Variants in CDH18 observed in about 807,000 individuals in gnomAD.
CDH18 encodes cadherin-18.
In CDH18, 31 loss-of-function variants were observed where a neutral mutation model predicts 67.9. That is an observed-to-expected ratio of 0.46 (90% CI 0.34 to 0.62). CDH18 has a LOEUF of 0.62. CDH18 is among the 20% of genes least tolerant of loss of function. The pLI is 0.01. For synonymous variants in CDH18, 362 were observed against 347.2 expected (o/e 1.04, Z -0.48); for missense variants, 890 against 975.5 (o/e 0.91, Z 1.17).
intron 2 of CDH18, among the ~76,000 whole-genome samples, chr5:20,105,446 G>C (rs531911098): frequency 6.6e-6 from 1 of 152,304 alleles, no homozygotes; most frequent in South Asian, 2.1e-4. Context: ...CAATTTGTAA[G>C]TGTAAAATTT....
At chr5:19,793,164 T>C (rs1776535676) in intron 3 of CDH18, among the ~76,000 whole-genome samples, 1 of 152,286 alleles carries the variant, frequency 6.6e-6, no homozygotes. Context: ...TGCTGTTTTC[T>C]TCTAAAGACA....
At chr5:20,384,131 T>G (rs1744124429) in intron 1 of CDH18, among the ~76,000 whole-genome samples, 1 of 152,106 alleles carries the variant, frequency 6.6e-6, no homozygotes, top group South Asian at 2.1e-4. Flanking sequence ...TAACATGAGA[T>G]CTACCTACTG....
At chr5:19,534,204 A>ATGCC (rs1749070823) in intron 9 of CDH18, among the ~76,000 whole-genome samples, 1 of 152,138 alleles carries the variant, frequency 6.6e-6, no homozygotes, top group Non-Finnish European at 1.5e-5. Flanking sequence ...CAGTGTCCAC[A>ATGCC]TGCCTTTCAT....
intron 2 of CDH18, among the ~76,000 whole-genome samples, chr5:20,006,756 A>C (rs1434504070): frequency 6.6e-6 from 1 of 152,014 alleles, no homozygotes; most frequent in South Asian, 2.1e-4. Flanking sequence ...TTCTCTATGC[A>C]TGTTAAATGT....
chr5:19,911,663 A>G (rs1450579003), intron 2 of CDH18, among the ~76,000 whole-genome samples: 1 of 151,746 alleles, frequency 6.6e-6, no homozygotes, highest in African/African-American at 2.4e-5. Context: ...CCAGGGAGAC[A>G]GCCCTCACCA....
intron 1 of CDH18, among the ~76,000 whole-genome samples, chr5:20,257,208 G>A (rs903246471): frequency 6.6e-6 from 1 of 151,954 alleles, no homozygotes; most frequent in African/African-American, 2.4e-5. Flanking sequence ...CAGTGTTCAG[G>A]TGGGCTGTCA....
intron 5 of CDH18, among the ~76,000 whole-genome samples, chr5:19,614,409 T>C (rs1749498198): frequency 6.6e-6 from 1 of 151,442 alleles, no homozygotes; most frequent in Non-Finnish European, 1.5e-5. Context: ...ATGATTCATC[T>C]AACTCATGCA....
At chr5:19,489,392 C>G (rs542791100) in intron 11 of CDH18, among the ~76,000 whole-genome samples, 1 of 151,678 alleles carries the variant, frequency 6.6e-6, no homozygotes, top group African/African-American at 2.4e-5. Flanking sequence ...GGACTACAGG[C>G]GCCCGCCACC....
chr5:20,455,799 T>C (rs1210737411), intron 1 of CDH18, among the ~76,000 whole-genome samples: 1 of 152,082 alleles, frequency 6.6e-6, no homozygotes, highest in Non-Finnish European at 1.5e-5. Context: ...TCAAAATACA[T>C]ACTTAAAATT....
intron 2 of CDH18, among the ~76,000 whole-genome samples, chr5:19,921,675 A>G (rs1792497873): frequency 6.6e-6 from 1 of 152,212 alleles, no homozygotes; most frequent in Non-Finnish European, 1.5e-5. Context: ...TGAGACAAGT[A>G]TATGAGATTT....
chr5:20,118,492 T>C (rs756296531), intron 2 of CDH18, among the ~76,000 whole-genome samples: 1 of 152,186 alleles, frequency 6.6e-6, no homozygotes, highest in Non-Finnish European at 1.5e-5. Context: ...CGATTTTAAT[T>C]ATTTTCAGTA....
intron 3 of CDH18, chr5:19,803,702 C>T (rs749955559): frequency 6.6e-6 from 1 of 152,160 alleles, no homozygotes; most frequent in Non-Finnish European, 1.5e-5. Flanking sequence ...CAATAAAATA[C>T]ATTTCTTATT....
chr5:19,586,132 A>G (rs1043497885), intron 7 of CDH18, among the ~76,000 whole-genome samples: 5 of 152,192 alleles, frequency 3.3e-5, no homozygotes, highest in African/African-American at 1.2e-4. Flanking sequence ...ATACAGAGGA[A>G]ATACTCTAAC....
At chr5:20,562,678 A>G (rs1342473520) in intron 1 of CDH18, among the ~76,000 whole-genome samples, 1 of 151,804 alleles carries the variant, frequency 6.6e-6, no homozygotes, top group Non-Finnish European at 1.5e-5. Flanking sequence ...AGAAAAAAAC[A>G]AAAACTGGAC....
chr5:20,360,776 T>A (rs1384430994), intron 1 of CDH18, among the ~76,000 whole-genome samples: 1 of 152,194 alleles, frequency 6.6e-6, no homozygotes, highest in Non-Finnish European at 1.5e-5. Flanking sequence ...GTTATTGCTA[T>A]TGCTTTACAT....
chr5:20,092,182 A>C (rs1413616804), intron 2 of CDH18, among the ~76,000 whole-genome samples: 1 of 152,152 alleles, frequency 6.6e-6, no homozygotes, highest in African/African-American at 2.4e-5. Flanking sequence ...GGTAAAGGAA[A>C]AACATATGGT....
At chr5:20,521,600 A>G (rs144390754) in intron 1 of CDH18, among the ~76,000 whole-genome samples, 246 of 152,276 alleles carry the variant, frequency 1.6e-3, no homozygotes, top group African/African-American at 5.8e-3. Context: ...AGCGGAGCAG[A>G]TACATGGGGC....
At chr5:20,499,343 A>G (rs1292429440) in intron 1 of CDH18, among the ~76,000 whole-genome samples, 2 of 152,044 alleles carry the variant, frequency 1.3e-5, no homozygotes, top group African/African-American at 4.8e-5. Flanking sequence ...TGATTGTTAT[A>G]CTGTTTTGTG....
chr5:19,757,529 CA>C (rs1226976744), intron 3 of CDH18, among the ~76,000 whole-genome samples: 1 of 152,164 alleles, frequency 6.6e-6, no homozygotes, highest in Non-Finnish European at 1.5e-5. Flanking sequence ...TTGGCTATGT[CA>C]GGGGTGGCTG....
Sources: allele counts gnomAD v4.1 joint callset (sites outside exome capture counted in the v4.1 genomes callset), GRCh38; gene constraint gnomAD v4.1.1; transcripts MANE v1.5; gene names NCBI Gene and HGNC (gene_info 2026-07-23, HGNC 2026-07-21).